SP100: variants seen among roughly 807,000 people sequenced by gnomAD.
The protein encoded by SP100 is SP100 nuclear body protein.
A neutral mutation model predicts 130.0 loss-of-function variants in SP100; 84 were observed. The observed-to-expected ratio is 0.65, with a 90% CI of 0.54 to 0.77. The LOEUF is 0.77. Among genes scored for constraint, SP100 ranks in the 30% least tolerant of loss-of-function variants. The pLI is 0.00. For synonymous variants in SP100, 331 were observed against 351.7 expected (o/e 0.94, Z 0.66); for missense variants, 978 against 1,052.2 (o/e 0.93, Z 0.97).
rs1314542909 is a variant in SP100 at position 230,537,912 on chromosome 2, G to A, written c.2095-1355G>A. ...CTTCATAGACCACAGCTGGCTAGGA[G>A]CTACCCCTAGGCTTCTGATTCAGCA... On this transcript the variant is annotated intron_variant, in intron 24 of 28. Transcript: ENST00000340126. The A allele has an allele frequency of 2.6e-5, 4 of 152,244 alleles. No individual in the cohort carries two copies. In the East Asian group the frequency reaches 7.7e-4, roughly 29 times the overall value. 9.4% of individuals were successfully genotyped at this position (152,244 alleles called of 1,614,324 possible). A position where few individuals can be genotyped will look rare whatever the true frequency, so the allele number is the denominator to read the frequency against.
intron 24 of SP100, among the ~76,000 whole-genome samples, chr2:230,523,147 G>T (rs1691255670): frequency 6.6e-6 from 1 of 152,144 alleles, no homozygotes; most frequent in Admixed American, 6.5e-5. Context: ...CTTGAAAACT[G>T]CTTCACCCAA....
At chr2:230,474,277 A>G in intron 16 of SP100, 117 bp from the exon 17 acceptor site, 1 of 639,032 alleles carries the variant, frequency 1.6e-6, no homozygotes, top group East Asian at 3.0e-5. Flanking sequence ...AAGACAGATA[A>G]ATTATACTCA....
chr2:230,437,965 GTGAAT>G (rs1462640605), intron 2 of SP100, among the ~76,000 whole-genome samples: 2 of 152,114 alleles, frequency 1.3e-5, no homozygotes, highest in African/African-American at 4.8e-5. Flanking sequence ...AAAAACAGGG[GTGAAT>G]TGTTTTTCAA....
At chr2:230,522,240 T>C (rs1371190526) in intron 24 of SP100, among the ~76,000 whole-genome samples, 1 of 149,992 alleles carries the variant, frequency 6.7e-6, no homozygotes, top group African/African-American at 2.5e-5. Context: ...AGATGGATCA[T>C]TGTGTTTTGG....
rs372402837 is a variant in SP100 at position 230,515,158 on chromosome 2, T to C, written c.2094+3992T>C. 4 of 1,613,356 alleles carry C rather than the reference T, an allele frequency of 2.5e-6. No individual in the cohort carries two copies. In the East Asian group the frequency reaches 6.7e-5, roughly 27 times the overall value. ...GTTCTCAGAGTTTTTAAAGAAGTGC[T>C]CAGAGACATGGAAGACCATTTTTGC... On this transcript the variant is annotated intron_variant, in intron 24 of 28. Transcript: ENST00000340126.
rs987692477 is a variant in SP100, at chr2:230,526,862, A to G, written c.2095-12405A>G. 8.6e-4 allele frequency among the ~76,000 whole-genome samples: 131 copies of G among 152,186 alleles called. 3 individuals are homozygous for G. Among genetic ancestry groups the G allele is most frequent in the African/African-American group, 3.0e-3 (123 of 41,446 alleles). ...CAAATTAATGAAATAAAGTGAGAAG[A>G]CAAGACTAGAGAAAAAAGAATGAAA... On this transcript the variant is annotated intron_variant, in intron 24 of 28. Coordinates refer to ENST00000340126, the MANE Select transcript of SP100 (RefSeq NM_001080391.2).
rs558337900 is a variant in SP100 at position 230,437,798 on chromosome 2, C to T, written c.108-5139C>T. Among the ~76,000 whole-genome samples the T allele has an allele frequency of 8.7e-4, 132 of 152,132 alleles. 1 individual carries two copies. The highest frequency in any genetic ancestry group is 2.8e-3 in the African/African-American group (116 of 41,520). ...GTCTTGAACTCCTGACCTCGTGATC[C>T]GCCCGCCTCAGCCTCCTAAAGCTCT... On this transcript the variant is annotated intron_variant, in intron 2 of 28. Coordinates refer to ENST00000340126, the MANE Select transcript of SP100 (RefSeq NM_001080391.2).
In SP100 at chr2:230,494,896, C is replaced by T. The variant is rs187337189; in HGVS notation, c.1645+436C>T. 4.8e-4 allele frequency among the ~76,000 whole-genome samples: 73 copies of T among 152,318 alleles called. 3 individuals are homozygous for T. The East Asian group carries it at 0.01, about 22-fold the overall frequency. On this transcript the variant is annotated intron_variant, in intron 18 of 28. Coordinates refer to ENST00000340126, the MANE Select transcript of SP100 (RefSeq NM_001080391.2). Reference sequence around the variant, plus strand: ...TGCAAAGCGAGGCTGAGAAATATAACGCTGGCCGGGCAGTCCTTGGTTCAG... The same window carrying T: ...TGCAAAGCGAGGCTGAGAAATATAATGCTGGCCGGGCAGTCCTTGGTTCAG...
chr2:230,433,291 T>A (rs1200142104), intron 2 of SP100, among the ~76,000 whole-genome samples: 2 of 152,224 alleles, frequency 1.3e-5, no homozygotes, highest in Non-Finnish European at 2.9e-5. Context: ...GGCACTTTTG[T>A]TGAAAATCAA....
chr2:230,498,485 AAC>A lies in SP100; in HGVS notation c.1672_1673del (p.His558PhefsTer5). Reference sequence around the variant, plus strand: ...GGGAGAAAGAAAGACAGACCTAGAAAACATTTAACTCTGAATAACAAAGTCCA... The same window carrying A: ...GGGAGAAAGAAAGACAGACCTAGAAAATTTAACTCTGAATAACAAAGTCCA... On this transcript the variant is annotated frameshift_variant, in exon 19 of 29. Transcript: ENST00000340126. LOFTEE classifies it high-confidence loss of function. 1 of 1,517,756 alleles carries A rather than the reference AAC, an allele frequency of 6.6e-7. No homozygotes were observed. Among genetic ancestry groups the A allele is most frequent in the South Asian group, 1.3e-5 (1 of 75,124 alleles). 94.0% of individuals were successfully genotyped at this position (1,517,756 alleles called of 1,614,324 possible).
intron 5 of SP100, among the ~76,000 whole-genome samples, 163 bp from the exon 6 acceptor site, chr2:230,448,925 A>G (rs1026786254): frequency 1.3e-5 from 2 of 152,180 alleles, no homozygotes; most frequent in Non-Finnish European, 2.9e-5. Flanking sequence ...CTGGAGTCTG[A>G]CTTCAGTAAT....
chr2:230,532,969 C>T (rs1321267659), intron 24 of SP100, among the ~76,000 whole-genome samples: 1 of 151,998 alleles, frequency 6.6e-6, no homozygotes, highest in Non-Finnish European at 1.5e-5. Flanking sequence ...TTAGTAGAGA[C>T]GAGGTTTCAT....
At position 230,449,277 on chromosome 2, in the gene SP100, A is replaced by G. The variant is rs556754869; in HGVS notation, c.586+127A>G. 3.9e-5 allele frequency: 39 copies of G among 989,456 alleles called. No individual in the cohort carries two copies. In the South Asian group the frequency reaches 4.9e-4, roughly 12 times the overall value. The allele number at this position is 989,456 out of a possible 1,614,324, so 61.3% of individuals were successfully genotyped here. A position where few individuals can be genotyped will look rare whatever the true frequency, so the allele number is the denominator to read the frequency against. ...CAGGTTTTACATCTACAGTTTTTCC[A>G]TTTCTGGGATTTAAATAACAAGTCC... On this transcript the variant is annotated intron_variant, in intron 6 of 28. Coordinates refer to ENST00000340126, the MANE Select transcript of SP100 (RefSeq NM_001080391.2).
Position 230,450,187 on chromosome 2 carries a change from T to G in SP100, c.752T>G (p.Ile251Ser). ...KAEPTESCEQ[I>S]AVQVNNGDAG... is the part of the protein sequence containing the mutation. ...TTATCTCCAGAGTCCTGCGAACAAA[T>G]TGCTGTCCAAGTGAATAATGGGGAT... The change falls in exon 8 of 29, where the codon ATT becomes AGT. Residue 251 changes from isoleucine to serine, a missense_variant. Ile to Ser is a moderately radical substitution (Grantham distance 142). Transcript: ENST00000340126. 3 of 1,613,582 alleles carry G rather than the reference T, an allele frequency of 1.9e-6. No individual in the cohort carries two copies. Among genetic ancestry groups the G allele is most frequent in the Non-Finnish European group, 1.7e-6 (2 of 1,179,608 alleles).
chr2:230,538,346 T>C (rs575883813), intron 24 of SP100: 1 of 152,336 alleles, frequency 6.6e-6, no homozygotes, highest in East Asian at 1.9e-4. Context: ...TATAGGATGA[T>C]GTATCAGAAA....
At chr2:230,540,035 A>G (rs1266396636) in intron 25 of SP100, among the ~76,000 whole-genome samples, 1 of 152,160 alleles carries the variant, frequency 6.6e-6, no homozygotes, top group East Asian at 1.9e-4. Flanking sequence ...AATGTGACCC[A>G]CCTGCTCCCA....
At position 230,545,543 on chromosome 2, in the gene SP100, C is replaced by T. The variant is rs972324350; in HGVS notation, c.*2597C>T. The stretch of plus-strand genomic sequence containing the variant: ...ATATAACAAACCTTCACATATACCC[C>T]TGAACCTAAAAGTTTTTTTAATTGT... On this transcript the variant is annotated 3_prime_UTR_variant, in exon 29 of 29. Transcript: ENST00000340126. Among the ~76,000 whole-genome samples, 4 of 151,908 alleles carry T rather than the reference C, an allele frequency of 2.6e-5. No homozygotes were observed. Among genetic ancestry groups the T allele is most frequent in the African/African-American group, 9.7e-5 (4 of 41,336 alleles).
intron 17 of SP100, among the ~76,000 whole-genome samples, chr2:230,492,455 C>G (rs2066438015): frequency 6.6e-6 from 1 of 152,068 alleles, no homozygotes; most frequent in Non-Finnish European, 1.5e-5. Context: ...CAGGTGTGCA[C>G]CAACATAGCT....
chr2:230,541,734 T>A lies in SP100; in HGVS notation c.2404-158T>A, dbSNP rs573573335. 2.3e-4 allele frequency among the ~76,000 whole-genome samples: 35 copies of A among 152,288 alleles called. No homozygotes were observed. The South Asian group carries it at 4.6e-3, about 20-fold the overall frequency. ...CTATTCATGAGGGCTCCACCCTTCT[T>A]ACCTCATGACCTCCCAAAGGTCCCA... is the stretch of plus-strand genomic sequence containing the variant. On this transcript the variant is annotated intron_variant, in intron 27 of 28. Coordinates refer to ENST00000340126, the MANE Select transcript of SP100 (RefSeq NM_001080391.2).
Sources: gnomAD v4.1 joint callset for allele counts (sites outside exome capture counted in the v4.1 genomes callset) on GRCh38, gnomAD v4.1.1 for gene constraint, MANE v1.5 for transcripts, NCBI Gene and HGNC (gene_info 2026-07-23, HGNC 2026-07-21) for gene names.